The following IMMP2L variants were observed in gnomAD, a reference collection of about 807,000 sequenced individuals.
IMMP2L encodes mitochondrial inner membrane protease subunit 2.
In IMMP2L, 18 loss-of-function variants were observed where a neutral mutation model predicts 19.3. The observed-to-expected ratio is 0.93, with a 90% CI of 0.64 to 1.38. The LOEUF (loss-of-function observed/expected upper bound fraction) is 1.38. Ranked by LOEUF, IMMP2L falls within the 40% of genes most tolerant of loss-of-function variation. IMMP2L has a pLI of 0.00. For missense variants in IMMP2L, 233 were observed against 218.2 expected (o/e 1.07, Z -0.43); for synonymous variants, 76 against 73.0 (o/e 1.04, Z -0.21).
chr7:111,463,581 C>T (rs1434780309), intron 3 of IMMP2L, among the ~76,000 whole-genome samples: 2 of 152,156 alleles, frequency 1.3e-5, no homozygotes, highest in Non-Finnish European at 2.9e-5. Flanking sequence ...ATTCAGCTAT[C>T]CACAGTCCTA....
chr7:110,820,561 G>GACAC (rs375879074), intron 5 of IMMP2L, among the ~76,000 whole-genome samples: 3 of 150,612 alleles, frequency 2.0e-5, no homozygotes, highest in African/African-American at 2.4e-5. Flanking sequence ...AGTATTATCT[G>GACAC]ACACACACAC....
chr7:111,377,471 C>A (rs527883773), intron 3 of IMMP2L, among the ~76,000 whole-genome samples: 18 of 152,026 alleles, frequency 1.2e-4, no homozygotes, highest in African/African-American at 4.1e-4. Flanking sequence ...TCATGCCCAG[C>A]ACCTGTTCCT....
At chr7:111,437,159 T>C (rs549635461) in intron 3 of IMMP2L, among the ~76,000 whole-genome samples, 13 of 151,704 alleles carry the variant, frequency 8.6e-5, no homozygotes, top group African/African-American at 3.2e-4. Flanking sequence ...AAAAAATACA[T>C]CCACAGCCAG....
chr7:110,956,725 C>T (rs1044581124), intron 4 of IMMP2L, among the ~76,000 whole-genome samples: 1 of 151,728 alleles, frequency 6.6e-6, no homozygotes, highest in Non-Finnish European at 1.5e-5. Flanking sequence ...ACATGGAGCC[C>T]GAGATTCCAA....
chr7:111,210,575 A>G (rs1811201852), intron 3 of IMMP2L, among the ~76,000 whole-genome samples: 1 of 152,044 alleles, frequency 6.6e-6, no homozygotes, highest in African/African-American at 2.4e-5. Context: ...TGCTTGATAT[A>G]TTTTTAAGTA....
At chr7:111,369,392 G>A (rs1830070940) in intron 3 of IMMP2L, among the ~76,000 whole-genome samples, 1 of 151,640 alleles carries the variant, frequency 6.6e-6, no homozygotes, top group East Asian at 1.9e-4. Flanking sequence ...AAAATTCATT[G>A]GTATAATTAC....
intron 5 of IMMP2L, among the ~76,000 whole-genome samples, chr7:110,843,950 G>A (rs978393026): frequency 6.6e-6 from 1 of 152,164 alleles, no homozygotes; most frequent in Non-Finnish European, 1.5e-5. Flanking sequence ...ATAGGAGGAA[G>A]GGGCTGGGTC....
intron 2 of IMMP2L, among the ~76,000 whole-genome samples, chr7:111,501,474 G>A (rs1249912060): frequency 3.9e-5 from 6 of 151,940 alleles, no homozygotes; most frequent in South Asian, 2.1e-4. Context: ...TACAGAGAAC[G>A]CCACAAAGAT....
intron 3 of IMMP2L, among the ~76,000 whole-genome samples, chr7:111,354,408 C>G (rs1365816398): frequency 6.6e-6 from 1 of 151,384 alleles, no homozygotes; most frequent in South Asian, 2.1e-4. Flanking sequence ...CAACCGACAA[C>G]GAAAATAAAG....
intron 3 of IMMP2L, among the ~76,000 whole-genome samples, chr7:111,281,215 A>AG (rs1819804393): frequency 4.5e-4 from 17 of 37,654 alleles, no homozygotes; most frequent in African/African-American, 1.6e-3. Context: ...AGAAAGAAAG[A>AG]AAAAGAAAGA....
chr7:110,892,859 T>A (rs1231651981), intron 4 of IMMP2L, among the ~76,000 whole-genome samples: 3 of 152,180 alleles, frequency 2.0e-5, no homozygotes, highest in African/African-American at 7.2e-5. Flanking sequence ...ACTATTTACA[T>A]CAAGATATGA....
chr7:111,119,075 C>A (rs1034234443), intron 3 of IMMP2L, among the ~76,000 whole-genome samples: 1 of 152,112 alleles, frequency 6.6e-6, no homozygotes, highest in Non-Finnish European at 1.5e-5. Flanking sequence ...TTAATATTTC[C>A]AAACCTCTAG....
chr7:110,919,157 T>A (rs1032264378), intron 4 of IMMP2L, among the ~76,000 whole-genome samples: 1 of 152,218 alleles, frequency 6.6e-6, no homozygotes, highest in African/African-American at 2.4e-5. Context: ...ATACTGACTT[T>A]TGCATGACTT....
intron 3 of IMMP2L, among the ~76,000 whole-genome samples, chr7:111,186,667 G>A (rs1808301672): frequency 6.6e-6 from 1 of 152,042 alleles, no homozygotes; most frequent in Admixed American, 6.6e-5. Flanking sequence ...CTGACCTCAG[G>A]TGATCCGCCC....
At chr7:110,720,149 T>C (rs749059888) in intron 5 of IMMP2L, among the ~76,000 whole-genome samples, 10 of 152,094 alleles carry the variant, frequency 6.6e-5, no homozygotes, top group Non-Finnish European at 1.3e-4. Flanking sequence ...GGAGAATCAC[T>C]GTAAGGGGCC....
At chr7:111,382,659 G>A (rs1831315903) in intron 3 of IMMP2L, among the ~76,000 whole-genome samples, 1 of 152,054 alleles carries the variant, frequency 6.6e-6, no homozygotes, top group Admixed American at 6.6e-5. Flanking sequence ...GCTGATTAAA[G>A]GGGCAAGAAA....
intron 3 of IMMP2L, among the ~76,000 whole-genome samples, chr7:111,308,480 A>G (rs1199184671): frequency 6.6e-6 from 1 of 151,960 alleles, no homozygotes; most frequent in Non-Finnish European, 1.5e-5. Flanking sequence ...TTAATGTAAT[A>G]TGCTTTGAGT....
chr7:110,914,215 TG>T (rs1813349913), intron 4 of IMMP2L, among the ~76,000 whole-genome samples: 1 of 152,198 alleles, frequency 6.6e-6, no homozygotes, highest in African/African-American at 2.4e-5. Flanking sequence ...TTTGAAGAAA[TG>T]CTTCAGGATC....
intron 4 of IMMP2L, among the ~76,000 whole-genome samples, chr7:110,961,061 A>T (rs1442434921): frequency 6.6e-6 from 1 of 151,922 alleles, no homozygotes; most frequent in Non-Finnish European, 1.5e-5. Context: ...TGCAAAAAAA[A>T]CTAGATTCCT....
Sources: allele counts gnomAD v4.1 joint callset (sites outside exome capture counted in the v4.1 genomes callset), GRCh38; gene constraint gnomAD v4.1.1; transcripts MANE v1.5; gene names NCBI Gene and HGNC (gene_info 2026-07-23, HGNC 2026-07-21).